The following IDH2 variants were observed in gnomAD, a reference collection of about 807,000 sequenced individuals.
The protein encoded by IDH2 is isocitrate dehydrogenase (NADP(+)) 2, also known as isocitrate dehydrogenase [NADP], mitochondrial.
Under a neutral mutation model 50.5 loss-of-function variants are expected in IDH2, and 18 were observed. The observed-to-expected ratio is 0.36, with a 90% CI of 0.25 to 0.53. The LOEUF (loss-of-function observed/expected upper bound fraction) is 0.53, where lower values mean the gene tolerates loss of function less well. Among genes scored for constraint, IDH2 ranks in the 20% least tolerant of loss-of-function variants. The pLI is 0.92. For synonymous variants in IDH2, 280 were observed against 239.8 expected (o/e 1.17, Z -1.55); for missense variants, 518 against 610.7 (o/e 0.85, Z 1.60).
rs549189801 is a variant in IDH2 at position 90,085,048 on chromosome 15, A to G, written c.1131T>C (p.Arg377=). Reference sequence around the variant, plus strand: ...CCAGCTTCCCCCGGTGCTCCAGGCCACGTGTCCAGGCAAAGATGCTGGCGA... The same window carrying G: ...CCAGCTTCCCCCGGTGCTCCAGGCCGCGTGTCCAGGCAAAGATGCTGGCGA... ...NPIASIFAWT[R]GLEHRGKLDG... The change falls in exon 9 of 11, where the codon CGT becomes CGC. Residue 377 remains arginine (R), a synonymous_variant. Transcript: ENST00000330062. This position sits in a 1 kb window ranked among gnomAD's most constrained non-coding sequence, Gnocchi z 5.5. The G allele has an allele frequency of 3.1e-6, 5 of 1,613,978 alleles. No individual in the cohort carries two copies. The East Asian group carries it at 1.1e-4, about 36-fold the overall frequency.
intron 1 of IDH2, among the ~76,000 whole-genome samples, chr15:90,092,859 G>A (rs1482146183): frequency 2.6e-5 from 4 of 152,306 alleles, no homozygotes; most frequent in East Asian, 1.9e-4. Flanking sequence ...GATTACAGGC[G>A]TGAGCCACCG....
Position 90,084,301 on chromosome 15 carries a change from T to C in IDH2, c.1324A>G (p.Lys442Glu). 6.2e-7 allele frequency: 1 copy of C among 1,614,096 alleles called. No individual in the cohort carries two copies. Among genetic ancestry groups the C allele is most frequent in the South Asian group, 1.1e-5 (1 of 91,072 alleles). The change falls in exon 11 of 11, where the codon AAG becomes GAG. Residue 442 changes from lysine (K) to glutamate (E), a missense_variant. Lys to Glu is a moderately conservative substitution (Grantham distance 56). Around this residue, in one of 5 missense-constraint regions of IDH2, gnomAD observed 135 missense variants for 167.6 expected, o/e 0.81. Coordinates refer to ENST00000330062, the MANE Select transcript of IDH2 (RefSeq NM_002168.4). The surrounding 1 kb of genome is among the most constrained non-coding windows in gnomAD (Gnocchi z 5.0). ...CCCAGGGCTCTGTCCAGGTTGCTCT[T>C]GATGGTGTCGAGGAAGTCCGTGGTG... is the stretch of plus-strand genomic sequence containing the variant. ...LNTTDFLDTI[K>E]SNLDRALGRQ
Position 90,102,435 on chromosome 15 carries a change from C to T in IDH2, c.-45G>A. 1.8e-6 allele frequency: 2 copies of T among 1,089,642 alleles called. No homozygotes were observed. The highest frequency in any genetic ancestry group is 2.3e-6 in the Non-Finnish European group (2 of 855,360). 67.5% of individuals were successfully genotyped at this position (1,089,642 alleles called of 1,614,324 possible). ...GAGCAGGGCGGGAGAGGTCCGAGCG[C>T]GCGCCGCTCCTCCCGGCTGCCTGGC... On this transcript the variant is annotated 5_prime_UTR_variant, in exon 1 of 11. Transcript: ENST00000330062.
At position 90,084,824 on chromosome 15, in the gene IDH2, G is replaced by T. The variant is rs1443192441; in HGVS notation, c.1263C>A (p.Gly421=). 25 of 1,613,506 alleles carry T rather than the reference G, an allele frequency of 1.5e-5. No individual in the cohort carries two copies. The highest frequency in any genetic ancestry group is 2.1e-5 in the Non-Finnish European group (25 of 1,179,728). ...MTKDLAGCIH[G]LSNVKLNEHF... is the part of the protein sequence containing the mutation. ...CACCCCAGGCCACGCACTTGCTGAG[G>T]CCGTGAATGCAGCCCGCCAGGTCCT... The change falls in exon 10 of 11, where the codon GGC becomes GGA. Residue 421 remains glycine, a synonymous_variant. Transcript: ENST00000330062. This position sits in a 1 kb window ranked among gnomAD's most constrained non-coding sequence, Gnocchi z 5.0.
chr15:90,091,689 G>A, intron 1 of IDH2, 45 bp from the exon 2 acceptor site: 1 of 1,542,482 alleles, frequency 6.5e-7, no homozygotes. Flanking sequence ...GGGGAGGCTG[G>A]AGGGGGGCCC....
In IDH2 at chr15:90,085,281, G is replaced by C; in HGVS notation, c.1074C>G (p.His358Gln). 1 of 1,557,728 alleles carries C rather than the reference G, an allele frequency of 6.4e-7. No individual in the cohort carries two copies. Among genetic ancestry groups the C allele is most frequent in the Non-Finnish European group, 8.7e-7 (1 of 1,149,934 alleles). ...HGTVTRHYREHQKGRPTSTNP... is the reference protein window; with the variant it reads ...HGTVTRHYREQQKGRPTSTNP... Reference sequence around the variant, plus strand: ...CCCCATGCCCTGCACTCACCTTCTGGTGCTCCCGATAGTGGCGGGTGACGG... The same window carrying C: ...CCCCATGCCCTGCACTCACCTTCTGCTGCTCCCGATAGTGGCGGGTGACGG... Residue 358 changes from histidine to glutamine, a missense_variant, in exon 8 of 11, where the codon CAC becomes CAG. Coordinates refer to ENST00000330062, the MANE Select transcript of IDH2 (RefSeq NM_002168.4). This position sits in a 1 kb window ranked among gnomAD's most constrained non-coding sequence, Gnocchi z 5.5.
At chr15:90,091,452 C>T (rs1596076627) in intron 2 of IDH2, 101 bp downstream of exon 2, 5 of 862,472 alleles carry the variant, frequency 5.8e-6, no homozygotes, top group East Asian at 2.4e-5. Context: ...ACCAGGACAA[C>T]GGGGGGGTCC....
intron 2 of IDH2, among the ~76,000 whole-genome samples, chr15:90,090,953 C>G (rs1464649835): frequency 1.3e-5 from 2 of 152,212 alleles, no homozygotes; most frequent in Non-Finnish European, 2.9e-5. Context: ...AAACCCCAAC[C>G]CCAAGTACAT....
In IDH2 at chr15:90,091,429, G is replaced by T; in HGVS notation, c.207+124C>A. The T allele has an allele frequency of 4.0e-6, 3 of 758,590 alleles. No individual in the cohort carries two copies. The South Asian group carries it at 4.2e-5, about 11-fold the overall frequency. 47.0% of individuals were successfully genotyped at this position (758,590 alleles called of 1,614,324 possible). Reference sequence around the variant, plus strand: ...GGGTAGACAGAGGGAGAGAAACAGAGCTGCTGCTGCCTACCAGGACAACGG... The same window carrying T: ...GGGTAGACAGAGGGAGAGAAACAGATCTGCTGCTGCCTACCAGGACAACGG... On this transcript the variant is annotated intron_variant, in intron 2 of 10. Coordinates refer to ENST00000330062, the MANE Select transcript of IDH2 (RefSeq NM_002168.4).
chr15:90,097,240 C>T (rs1047680001), intron 1 of IDH2, among the ~76,000 whole-genome samples: 23 of 152,212 alleles, frequency 1.5e-4, no homozygotes, highest in African/African-American at 4.3e-4. Context: ...TAAGAGATCA[C>T]ATTCATGTAA....
Position 90,084,932 on chromosome 15 carries a change from A to AC in IDH2, c.1179-25dup, listed in dbSNP as rs762439624. On this transcript the variant is annotated intron_variant, in intron 9 of 10. Coordinates refer to ENST00000330062, the MANE Select transcript of IDH2 (RefSeq NM_002168.4). This position sits in a 1 kb window ranked among gnomAD's most constrained non-coding sequence, Gnocchi z 5.0. The stretch of plus-strand genomic sequence containing the variant: ...ACCTATGGGGATGGGGCAGAATGAG[A>AC]CCCCATCTGTGCAAGGGCAGGACCC... 33 of 1,610,656 alleles carry AC rather than the reference A, an allele frequency of 2.0e-5. No individual in the cohort carries two copies. The highest frequency in any genetic ancestry group is 3.3e-4 in the Middle Eastern group (2 of 6,052).
In IDH2 at chr15:90,098,543, T is replaced by TATGCATGCATGC. The variant is rs1036769363; in HGVS notation, c.115+3732_115+3733insGCATGCATGCAT. 1.2e-3 allele frequency among the ~76,000 whole-genome samples: 171 copies of TATGCATGCATGC among 148,304 alleles called. No homozygotes were observed. The highest frequency in any genetic ancestry group is 1.1e-3 in the Admixed American group (16 of 14,884). The stretch of plus-strand genomic sequence containing the variant: ...GTATGTATGCATGCATGTATGTATG[T>TATGCATGCATGC]ATGTATGTATGTATGTATTGAGACA... On this transcript the variant is annotated intron_variant, in intron 1 of 10. Transcript: ENST00000330062. The surrounding 1 kb of genome is among the most constrained non-coding windows in gnomAD (Gnocchi z 5.1).
Position 90,090,469 on chromosome 15 carries a change from A to T in IDH2, c.373+10T>A. ...CCCTCCCTGGCCCGCCCACCTCCACACCCTCGCACCTTCCACACGGGCCTC... is the reference window on the plus strand; with the variant it reads ...CCCTCCCTGGCCCGCCCACCTCCACTCCCTCGCACCTTCCACACGGGCCTC... On this transcript the variant is annotated intron_variant, in intron 3 of 10. Transcript: ENST00000330062. The T allele has an allele frequency of 6.2e-7, 1 of 1,612,086 alleles. No individual in the cohort carries two copies. Among genetic ancestry groups the T allele is most frequent in the East Asian group, 2.2e-5 (1 of 44,856 alleles).
Position 90,091,641 on chromosome 15 carries a change from G to A in IDH2, c.119C>T (p.Ala40Val), listed in dbSNP as rs2151551873. ...TSQEQPRRHY[A>V]DKRIKVAKPV... The stretch of plus-strand genomic sequence containing the variant: ...CTTCGCCACCTTGATCCTTTTGTCG[G>A]CATCTAGAAGCAGGGACACACAGCG... Residue 40 changes from alanine (A) to valine (V), a missense_variant, in exon 2 of 11, where the codon GCC becomes GTC. Transcript: ENST00000330062. 2 of 1,613,802 alleles carry A rather than the reference G, an allele frequency of 1.2e-6. No individual in the cohort carries two copies. The highest frequency in any genetic ancestry group is 1.7e-6 in the Non-Finnish European group (2 of 1,179,658).
rs1901000660 is a variant in IDH2, at chr15:90,090,373, A to G, written c.373+106T>C. 7 of 1,250,836 alleles carry G rather than the reference A, an allele frequency of 5.6e-6. No individual in the cohort carries two copies. In the East Asian group the frequency reaches 1.5e-4, roughly 27 times the overall value. 77.5% of individuals were successfully genotyped at this position (1,250,836 alleles called of 1,614,324 possible). On this transcript the variant is annotated intron_variant, in intron 3 of 10. Coordinates refer to ENST00000330062, the MANE Select transcript of IDH2 (RefSeq NM_002168.4). The stretch of plus-strand genomic sequence containing the variant: ...CAGCTCTGGAGCCTCCCAACCTCCC[A>G]GTCCCGAGATGAGTGACATGGCCAA...
At chr15:90,088,812 C>T (rs2151550111) in intron 3 of IDH2, 65 bp from the exon 4 acceptor site, 2 of 1,571,286 alleles carry the variant, frequency 1.3e-6, no homozygotes, top group Non-Finnish European at 1.7e-6. Flanking sequence ...ATTTGAACCC[C>T]AAGCAACAAC....
intron 1 of IDH2, among the ~76,000 whole-genome samples, chr15:90,094,248 G>A (rs1373703474): frequency 6.6e-6 from 1 of 152,176 alleles, no homozygotes; most frequent in Admixed American, 6.5e-5. Flanking sequence ...GAATTTCAAA[G>A]AAAACTCAGG....
chr15:90,093,378 G>A (rs746198575), intron 1 of IDH2, among the ~76,000 whole-genome samples: 1 of 152,130 alleles, frequency 6.6e-6, no homozygotes, highest in Non-Finnish European at 1.5e-5. Flanking sequence ...TATGAGCTAC[G>A]CTGTGTAGCT....
At chr15:90,087,952 G>A (rs1011666393) in intron 5 of IDH2, among the ~76,000 whole-genome samples, 2 of 151,908 alleles carry the variant, frequency 1.3e-5, no homozygotes, top group Admixed American at 6.6e-5. Context: ...TTCTCCCCAG[G>A]GCCTCTGTGA....
Sources: gnomAD v4.1 joint callset for allele counts (sites outside exome capture counted in the v4.1 genomes callset) on GRCh38, gnomAD v4.1.1 for gene constraint, gnomAD v4.1.1 regional missense constraint, Gnocchi (gnomAD v3.1) non-coding constraint, MANE v1.5 for transcripts, NCBI Gene and HGNC (gene_info 2026-07-23, HGNC 2026-07-21) for gene names.